BMP5: variants seen among roughly 807,000 people sequenced by gnomAD.
BMP5 encodes the protein bone morphogenetic protein 5.
In BMP5, 23 loss-of-function variants were observed where a neutral mutation model predicts 46.6. The ratio of observed to expected loss-of-function variants is 0.49; its 90% confidence interval spans 0.35 to 0.70. BMP5 has a LOEUF of 0.70. BMP5 is among the 30% of genes least tolerant of loss of function. BMP5 has a pLI of 0.00. For synonymous variants in BMP5, 204 were observed against 191.9 expected (o/e 1.06, Z -0.52); for missense variants, 545 against 565.6 (o/e 0.96, Z 0.37).
chr6:55,820,052 C>G (rs934290106), intron 1 of BMP5, among the ~76,000 whole-genome samples: 2 of 152,100 alleles, frequency 1.3e-5, no homozygotes, highest in African/African-American at 4.8e-5. Context: ...GCAATATAAC[C>G]TCTGCGGTTT....
At chr6:55,769,604 C>T (rs1461720995) in intron 4 of BMP5, among the ~76,000 whole-genome samples, 3 of 151,870 alleles carry the variant, frequency 2.0e-5, no homozygotes, top group Non-Finnish European at 4.4e-5. Flanking sequence ...GTTGATATTT[C>T]AACCCCTCAT....
intron 1 of BMP5, among the ~76,000 whole-genome samples, chr6:55,842,161 ATGTC>A (rs1286674092): frequency 6.6e-6 from 1 of 152,128 alleles, no homozygotes; most frequent in Non-Finnish European, 1.5e-5. Flanking sequence ...AGACAACTAA[ATGTC>A]TGGTGAATCC....
chr6:55,771,482 T>C (rs1775046040), intron 4 of BMP5, among the ~76,000 whole-genome samples: 1 of 151,888 alleles, frequency 6.6e-6, no homozygotes, highest in Admixed American at 6.6e-5. Flanking sequence ...TCTATATACC[T>C]TTACTTGAAA....
intron 1 of BMP5, among the ~76,000 whole-genome samples, chr6:55,863,833 C>T (rs1043113149): frequency 2.0e-5 from 3 of 152,118 alleles, no homozygotes; most frequent in Admixed American, 6.6e-5. Flanking sequence ...CTACAGTTTT[C>T]AGTGCAGTAA....
intron 1 of BMP5, among the ~76,000 whole-genome samples, chr6:55,848,071 A>G (rs1342391614): frequency 2.0e-5 from 3 of 151,970 alleles, no homozygotes; most frequent in Admixed American, 6.6e-5. Flanking sequence ...CTGCTGGTGT[A>G]GCCTAAGTTA....
intron 3 of BMP5, among the ~76,000 whole-genome samples, chr6:55,788,005 G>A (rs1474402137): frequency 6.6e-6 from 1 of 151,464 alleles, no homozygotes; most frequent in Non-Finnish European, 1.5e-5. Flanking sequence ...CTTTATCAAA[G>A]ACTACTAATA....
At chr6:55,795,603 TA>T (rs1256814256) in intron 2 of BMP5, among the ~76,000 whole-genome samples, 2 of 152,120 alleles carry the variant, frequency 1.3e-5, no homozygotes, top group Non-Finnish European at 2.9e-5. Flanking sequence ...TACTCAAATT[TA>T]AAAGTGAACC....
intron 3 of BMP5, among the ~76,000 whole-genome samples, chr6:55,786,451 G>A (rs552803458): frequency 2.6e-5 from 4 of 151,532 alleles, no homozygotes; most frequent in African/African-American, 9.7e-5. Flanking sequence ...ACAATTCTAA[G>A]GCCATTGGCT....
chr6:55,849,593 G>T (rs1239663630), intron 1 of BMP5, among the ~76,000 whole-genome samples: 2 of 152,026 alleles, frequency 1.3e-5, no homozygotes, highest in Non-Finnish European at 2.9e-5. Flanking sequence ...AGAGTGAGCT[G>T]CAGGAAGAGT....
At chr6:55,869,480 A>G (rs1457694548) in intron 1 of BMP5, among the ~76,000 whole-genome samples, 1 of 151,876 alleles carries the variant, frequency 6.6e-6, no homozygotes, top group Non-Finnish European at 1.5e-5. Flanking sequence ...TCTCTTTTCA[A>G]AAAAAAATAA....
chr6:55,824,291 CAG>C (rs1416990076), intron 1 of BMP5, among the ~76,000 whole-genome samples: 1 of 151,632 alleles, frequency 6.6e-6, no homozygotes, highest in Non-Finnish European at 1.5e-5. Context: ...GAAAAAAAAA[CAG>C]AGAAGTGTAT....
intron 1 of BMP5, among the ~76,000 whole-genome samples, chr6:55,863,519 G>T (rs962250965): frequency 6.6e-6 from 1 of 151,990 alleles, no homozygotes; most frequent in South Asian, 2.1e-4. Flanking sequence ...TTGAAATAAC[G>T]CATAAAAATC....
intron 2 of BMP5, among the ~76,000 whole-genome samples, chr6:55,815,660 A>G (rs1435788611): frequency 6.6e-6 from 1 of 152,186 alleles, no homozygotes; most frequent in African/African-American, 2.4e-5. Context: ...ATCAGGTATA[A>G]TTAGAAAAAT....
intron 1 of BMP5, among the ~76,000 whole-genome samples, chr6:55,824,452 C>T (rs568541373): frequency 9.0e-4 from 137 of 151,990 alleles, no homozygotes; most frequent in South Asian, 1.7e-3. Context: ...ACACAAGACT[C>T]CATAAAAGCC....
intron 2 of BMP5, among the ~76,000 whole-genome samples, chr6:55,800,837 T>C (rs765054312): frequency 1.5e-4 from 23 of 152,174 alleles, no homozygotes; most frequent in Admixed American, 5.2e-4. Context: ...AATAGGGGGA[T>C]CAGAACCCAG....
At chr6:55,806,217 C>G (rs1412239390) in intron 2 of BMP5, among the ~76,000 whole-genome samples, 1 of 152,122 alleles carries the variant, frequency 6.6e-6, no homozygotes, top group Non-Finnish European at 1.5e-5. Flanking sequence ...ACATTTAAGT[C>G]TTCAGTCCAT....
At chr6:55,785,507 C>A (rs12198543) in intron 3 of BMP5, among the ~76,000 whole-genome samples, 5 of 151,716 alleles carry the variant, frequency 3.3e-5, no homozygotes, top group Non-Finnish European at 7.4e-5. Context: ...TAAGACATTA[C>A]GCGAGTTAGA....
At position 55,809,273 on chromosome 6, in the gene BMP5, GTA is replaced by G. The variant is rs1426200310; in HGVS notation, c.683+10380_683+10381del. The stretch of plus-strand genomic sequence containing the variant: ...CAAACTACATGTATAGTGTGTAAAT[GTA>G]TATGAGTTGTATGCATTATTCTTGC... On this transcript the variant is annotated intron_variant, in intron 2 of 6. Transcript: ENST00000370830. 1.2e-3 allele frequency among the ~76,000 whole-genome samples: 177 copies of G among 152,226 alleles called. 1 individual carries two copies. The highest frequency in any genetic ancestry group is 3.5e-3 in the East Asian group (18 of 5,174).
chr6:55,810,271 A>G (rs1776096700), intron 2 of BMP5, among the ~76,000 whole-genome samples: 1 of 152,190 alleles, frequency 6.6e-6, no homozygotes, highest in African/African-American at 2.4e-5. Flanking sequence ...TCCATGCTGC[A>G]TTTAAAAGGT....
Sources: gnomAD v4.1 joint callset for allele counts (sites outside exome capture counted in the v4.1 genomes callset) on GRCh38, gnomAD v4.1.1 for gene constraint, MANE v1.5 for transcripts, NCBI Gene and HGNC (gene_info 2026-07-23, HGNC 2026-07-21) for gene names.